UNC45B: variants seen among roughly 807,000 people sequenced by gnomAD.
UNC45B encodes protein unc-45 homolog B.
In UNC45B, 78 loss-of-function variants were observed where a neutral mutation model predicts 98.7. That is an observed-to-expected ratio of 0.79 (90% CI 0.66 to 0.95). The LOEUF (loss-of-function observed/expected upper bound fraction) is 0.95, where lower values mean the gene tolerates loss of function less well. Ranked by LOEUF, UNC45B falls within the 40% of genes least tolerant of loss-of-function variation. The pLI, the probability that UNC45B is intolerant of heterozygous loss-of-function variation, is 0.00. For missense variants in UNC45B, 1,225 were observed against 1,184.9 expected, an observed-to-expected ratio of 1.03 and a Z score of -0.50; for synonymous variants, 462 against 480.4, an observed-to-expected ratio of 0.96 and a Z score of 0.50.
chr17:35,163,903 G>T, intron 8 of UNC45B, 92 bp from the exon 9 acceptor site: 2 of 1,375,260 alleles, frequency 1.5e-6, no homozygotes, highest in South Asian at 2.9e-5. Flanking sequence ...CAGGGCTGGA[G>T]AGAAGCTGAT....
Position 35,174,226 on chromosome 17 carries a change from C to A in UNC45B, c.1831-16C>A, listed in dbSNP as rs1219112912. The A allele has an allele frequency of 6.2e-7, 1 of 1,614,086 alleles. No individual in the cohort carries two copies. The highest frequency in any genetic ancestry group is 8.5e-7 in the Non-Finnish European group (1 of 1,179,950). ...ACCCAGGACCCTCCCACATTGCCATCTTTTCATCTCCTCAGGACAAGAAGG... is the reference window on the plus strand; with the variant it reads ...ACCCAGGACCCTCCCACATTGCCATATTTTCATCTCCTCAGGACAAGAAGG... On this transcript the variant is annotated splice_polypyrimidine_tract_variant and intron_variant, in intron 13 of 19. Transcript: ENST00000394570.
intron 7 of UNC45B, among the ~76,000 whole-genome samples, chr17:35,156,390 G>A (rs2092061572): frequency 6.6e-6 from 1 of 152,190 alleles, no homozygotes; most frequent in African/African-American, 2.4e-5. Flanking sequence ...CAATTTGGGA[G>A]GCCGAGGTGG....
intron 9 of UNC45B, among the ~76,000 whole-genome samples, chr17:35,165,248 C>T (rs2092130643): frequency 6.6e-6 from 1 of 152,170 alleles, no homozygotes; most frequent in Admixed American, 6.5e-5. Context: ...CCGGTTCTTT[C>T]AAGACTAAGA....
chr17:35,160,297 G>A (rs757257628), intron 8 of UNC45B, among the ~76,000 whole-genome samples: 1 of 152,188 alleles, frequency 6.6e-6, no homozygotes, highest in Non-Finnish European at 1.5e-5. Context: ...TAAACCTTTG[G>A]AGATATTTAA....
In UNC45B at chr17:35,154,735, A is replaced by T. The variant is rs2092046366; in HGVS notation, c.633A>T (p.Gln211His). The change falls in exon 6 of 20, where the codon CAA becomes CAT. Residue 211 changes from glutamine to histidine, a missense_variant. Coordinates refer to ENST00000394570, the MANE Select transcript of UNC45B (RefSeq NM_001267052.2). ...RTLSGMCSGHQARATVILHAV... is the reference protein window; with the variant it reads ...RTLSGMCSGHHARATVILHAV... ...TGTCGGGCATGTGCAGCGGCCACCAAGCCAGAGTAAGTGCCCGGCTGTGGG... is the reference window on the plus strand; with the variant it reads ...TGTCGGGCATGTGCAGCGGCCACCATGCCAGAGTAAGTGCCCGGCTGTGGG... The T allele has an allele frequency of 6.3e-7, 1 of 1,583,464 alleles. No homozygotes were observed. The highest frequency in any genetic ancestry group is 8.6e-7 in the Non-Finnish European group (1 of 1,169,040).
intron 4 of UNC45B, among the ~76,000 whole-genome samples, chr17:35,151,976 T>C (rs1386976435): frequency 6.6e-6 from 1 of 152,208 alleles, no homozygotes; most frequent in African/African-American, 2.4e-5. Flanking sequence ...CTGGGTGCGG[T>C]GGCTCACGCC....
intron 9 of UNC45B, among the ~76,000 whole-genome samples, chr17:35,166,603 T>C (rs1414879386): frequency 6.6e-6 from 1 of 152,128 alleles, no homozygotes; most frequent in Non-Finnish European, 1.5e-5. Flanking sequence ...TACATCCCGC[T>C]TCATCAGGGG....
rs1409670859 is a variant in UNC45B, at chr17:35,170,201, G to C, written c.1635G>C (p.Lys545Asn). Residue 545 changes from lysine (K) to asparagine (N), a missense_variant, in exon 12 of 20, where the codon AAG becomes AAC. Coordinates refer to ENST00000394570, the MANE Select transcript of UNC45B (RefSeq NM_001267052.2). ...LAYLTLDADV[K>N]DDFVQDVPAL... is the part of the protein sequence containing the mutation. Reference sequence around the variant, plus strand: ...ACCTCACGCTGGACGCTGATGTGAAGGACGACTTTGTCCAGGACGTCCCTG... The same window carrying C: ...ACCTCACGCTGGACGCTGATGTGAACGACGACTTTGTCCAGGACGTCCCTG... 2 of 1,613,752 alleles carry C rather than the reference G, an allele frequency of 1.2e-6. No homozygotes were observed. Among genetic ancestry groups the C allele is most frequent in the Non-Finnish European group, 1.7e-6 (2 of 1,179,868 alleles).
chr17:35,180,539 C>T lies in UNC45B; in HGVS notation c.2256-20C>T, dbSNP rs1782091051. 5.6e-6 allele frequency: 9 copies of T among 1,602,208 alleles called. No individual in the cohort carries two copies. The highest frequency in any genetic ancestry group is 6.0e-6 in the Non-Finnish European group (7 of 1,170,522). On this transcript the variant is annotated intron_variant, in intron 17 of 19. Coordinates refer to ENST00000394570, the MANE Select transcript of UNC45B (RefSeq NM_001267052.2). ...GGCAGAAGACTCAAGGGTCTTTCTT[C>T]CTCCACCCTCCTACCCTAGGCAGAA...
At chr17:35,165,079 G>T (rs2142556351) in intron 9 of UNC45B, among the ~76,000 whole-genome samples, 1 of 152,232 alleles carries the variant, frequency 6.6e-6, no homozygotes, top group South Asian at 2.1e-4. Context: ...TCCCAGGCTG[G>T]TATTGAACTC....
intron 11 of UNC45B, 69 bp downstream of exon 11, chr17:35,170,000 T>C: frequency 6.2e-7 from 1 of 1,610,896 alleles, no homozygotes; most frequent in South Asian, 1.1e-5. Flanking sequence ...CTCTGGGGTG[T>C]GCTCTAGTGG....
At chr17:35,175,750 A>AGCCTCACTTG (rs1232611256) in intron 14 of UNC45B, among the ~76,000 whole-genome samples, 1 of 152,294 alleles carries the variant, frequency 6.6e-6, no homozygotes, top group East Asian at 1.9e-4. Flanking sequence ...TGCTCTTTGC[A>AGCCTCACTTG]GCCTCACTTG....
In UNC45B at chr17:35,183,525, G is replaced by A. The variant is rs757218162; in HGVS notation, c.2472G>A (p.Gly824=). The change falls in exon 19 of 20, where the codon GGG becomes GGA. Residue 824 remains glycine, a synonymous_variant. Transcript: ENST00000394570. ...DDDKVQNAAA[G]ALAMLTAAHK... ...ATAAGGTGCAGAATGCGGCTGCAGG[G>A]GCTCTGGCCATGCTGACAGCAGCAC... 4.4e-6 allele frequency: 7 copies of A among 1,603,496 alleles called. No individual in the cohort carries two copies. Among genetic ancestry groups the A allele is most frequent in the Non-Finnish European group, 6.0e-6 (7 of 1,174,506 alleles).
At chr17:35,149,441 G>C (rs932831798) in intron 3 of UNC45B, among the ~76,000 whole-genome samples, 4 of 152,000 alleles carry the variant, frequency 2.6e-5, no homozygotes, top group Non-Finnish European at 4.4e-5. Context: ...TTTTGAGATG[G>C]AGTCTTGCTC....
rs562294526 is a variant in UNC45B, at chr17:35,149,958, C to A, written c.206-90C>A. On this transcript the variant is annotated intron_variant, in intron 3 of 19. Transcript: ENST00000394570. ...CTCCAAGGAAGACACAGAAACGAAGCAAGAGCATGCTTCCTGGAGTTGGGG... is the reference window on the plus strand; with the variant it reads ...CTCCAAGGAAGACACAGAAACGAAGAAAGAGCATGCTTCCTGGAGTTGGGG... 3.9e-4 allele frequency: 537 copies of A among 1,362,150 alleles called. 3 individuals carry two copies. The African/African-American group carries it at 7.3e-3, about 18-fold the overall frequency. 84.4% of individuals were successfully genotyped at this position (1,362,150 alleles called of 1,614,324 possible).
intron 9 of UNC45B, 149 bp downstream of exon 9, chr17:35,164,315 C>T (rs964840645): frequency 2.2e-6 from 2 of 925,068 alleles, no homozygotes; most frequent in Non-Finnish European, 3.1e-6. Flanking sequence ...GGCTGGGTGG[C>T]TCTGGCTTAT....
At chr17:35,159,857 T>C (rs2092090418) in intron 8 of UNC45B, among the ~76,000 whole-genome samples, 1 of 152,238 alleles carries the variant, frequency 6.6e-6, no homozygotes, top group Non-Finnish European at 1.5e-5. Flanking sequence ...TCATGGTTGG[T>C]AAAATACTTC....
At position 35,186,200 on chromosome 17, in the gene UNC45B, C is replaced by T. The variant is rs1472284120; in HGVS notation, c.2530-99C>T. The T allele has an allele frequency of 1.1e-5, 17 of 1,502,512 alleles. 1 individual carries two copies. Among genetic ancestry groups the T allele is most frequent in the Non-Finnish European group, 1.4e-5 (16 of 1,106,832 alleles). The allele number at this position is 1,502,512 out of a possible 1,614,324, so 93.1% of individuals were successfully genotyped here. The stretch of plus-strand genomic sequence containing the variant: ...ACCTAATTACCTCTTAAAGGACCCA[C>T]CTCCTAACATTGCCACACCAGGGAC... On this transcript the variant is annotated intron_variant, in intron 19 of 19. Transcript: ENST00000394570.
chr17:35,155,850 A>G lies in UNC45B; in HGVS notation c.808+386A>G, dbSNP rs1010352154. On this transcript the variant is annotated intron_variant, in intron 7 of 19. Coordinates refer to ENST00000394570, the MANE Select transcript of UNC45B (RefSeq NM_001267052.2). ...TTCCCAAAGTGCTAGGATTACAGGC[A>G]TGAGCCACTACACCTGGCCTGTTAT... Among the ~76,000 whole-genome samples, 3 of 152,184 alleles carry G rather than the reference A, an allele frequency of 2.0e-5. No individual in the cohort carries two copies. The South Asian group carries it at 6.2e-4, about 32-fold the overall frequency.
Sources: gnomAD v4.1 joint callset for allele counts (sites outside exome capture counted in the v4.1 genomes callset) on GRCh38, gnomAD v4.1.1 for gene constraint, MANE v1.5 for transcripts, NCBI Gene and HGNC (gene_info 2026-07-23, HGNC 2026-07-21) for gene names.